Variants in SYT1 observed in about 807,000 individuals in gnomAD.
SYT1 encodes the protein synaptotagmin 1.
SYT1 carries 8 observed loss-of-function variants against 44.8 expected under a neutral mutation model. The observed-to-expected ratio is 0.18, with a 90% CI of 0.10 to 0.32. The LOEUF (loss-of-function observed/expected upper bound fraction) is 0.32, where lower values mean the gene tolerates loss of function less well. Among genes scored for constraint, SYT1 ranks in the 10% least tolerant of loss-of-function variants. SYT1 has a pLI of 1.00. For synonymous variants in SYT1, 154 were observed against 188.8 expected, an observed-to-expected ratio of 0.82 and a Z score of 1.51; for missense variants, 286 against 509.3, an observed-to-expected ratio of 0.56 and a Z score of 4.22.
intron 8 of SYT1, among the ~76,000 whole-genome samples, chr12:79,330,028 C>G (rs1192407252): frequency 6.6e-6 from 1 of 152,114 alleles, no homozygotes; most frequent in East Asian, 1.9e-4. Context: ...AATTTTATTA[C>G]CCCTCCTGAG....
At chr12:78,912,123 A>T (rs1876370205) in intron 1 of SYT1, among the ~76,000 whole-genome samples, 2 of 151,942 alleles carry the variant, frequency 1.3e-5, no homozygotes, top group Admixed American at 6.6e-5. Context: ...AATATCAGGG[A>T]TGGAATGTTA....
At chr12:78,915,431 G>A (rs1311652144) in intron 1 of SYT1, among the ~76,000 whole-genome samples, 1 of 152,052 alleles carries the variant, frequency 6.6e-6, no homozygotes, top group East Asian at 1.9e-4. Context: ...AGACTCGAAG[G>A]AGGGTGAGAA....
At chr12:79,367,096 A>G (rs1466531835) in intron 9 of SYT1, among the ~76,000 whole-genome samples, 1 of 152,144 alleles carries the variant, frequency 6.6e-6, no homozygotes, top group African/African-American at 2.4e-5. Flanking sequence ...TCAGACCAGT[A>G]GTATATTTCT....
chr12:79,303,644 C>T (rs1486565801), intron 8 of SYT1, among the ~76,000 whole-genome samples: 2 of 151,998 alleles, frequency 1.3e-5, no homozygotes, highest in East Asian at 1.9e-4. Context: ...GGAAGAGAAA[C>T]TACTTTAATG....
At chr12:79,398,313 T>C (rs1884947594) in intron 9 of SYT1, among the ~76,000 whole-genome samples, 1 of 152,236 alleles carries the variant, frequency 6.6e-6, no homozygotes, top group Non-Finnish European at 1.5e-5. Context: ...AGTTATCTCA[T>C]ATTTAATAAT....
At chr12:79,417,382 C>G (rs1565948982) in intron 9 of SYT1, among the ~76,000 whole-genome samples, 1 of 152,022 alleles carries the variant, frequency 6.6e-6, no homozygotes, top group Non-Finnish European at 1.5e-5. Context: ...TCCTAAATCT[C>G]TCTCTTATCT....
At chr12:79,388,856 G>A (rs949972735) in intron 9 of SYT1, among the ~76,000 whole-genome samples, 1 of 152,072 alleles carries the variant, frequency 6.6e-6, no homozygotes. Context: ...ATTCTATAAG[G>A]ACATGATCTA....
At chr12:79,104,453 A>T (rs942599987) in intron 3 of SYT1, among the ~76,000 whole-genome samples, 1 of 152,096 alleles carries the variant, frequency 6.6e-6, no homozygotes, top group Non-Finnish European at 1.5e-5. Context: ...TAGAGAAAAA[A>T]GTGACCATAA....
rs548289924 is a variant in SYT1 at position 78,865,927 on chromosome 12, A to AC, written c.-217+818_-217+819insC. On this transcript the variant is annotated intron_variant, in intron 1 of 10. Coordinates refer to ENST00000261205, the MANE Select transcript of SYT1 (RefSeq NM_005639.3). ...AAGCTTTCTTGAGTAACAAAAAAAA[A>AC]AAAACAATTAAAATAGATTATTACT... is the stretch of plus-strand genomic sequence containing the variant. Among the ~76,000 whole-genome samples the AC allele has an allele frequency of 2.5e-3, 377 of 152,270 alleles. 2 individuals carry two copies. Among genetic ancestry groups the AC allele is most frequent in the Non-Finnish European group, 3.6e-3 (246 of 68,012 alleles).
At chr12:78,866,056 A>G (rs1331575084) in intron 1 of SYT1, among the ~76,000 whole-genome samples, 4 of 152,176 alleles carry the variant, frequency 2.6e-5, no homozygotes, top group Non-Finnish European at 1.5e-5. Flanking sequence ...TTGGATTTCT[A>G]CTTTGAGAAA....
chr12:78,985,632 T>C (rs1869588292), intron 2 of SYT1, among the ~76,000 whole-genome samples: 1 of 151,814 alleles, frequency 6.6e-6, no homozygotes, highest in Non-Finnish European at 1.5e-5. Context: ...ATTCTTTATG[T>C]TCTTTTAGGA....
chr12:79,271,185 A>C (rs919918792), intron 4 of SYT1, among the ~76,000 whole-genome samples: 5 of 152,204 alleles, frequency 3.3e-5, no homozygotes, highest in African/African-American at 1.2e-4. Flanking sequence ...TTGTTTTCAC[A>C]ATGCTCAATT....
intron 3 of SYT1, among the ~76,000 whole-genome samples, chr12:79,194,264 G>T (rs941710001): frequency 8.5e-5 from 13 of 152,064 alleles, no homozygotes; most frequent in Non-Finnish European, 1.5e-4. Flanking sequence ...GAGCCATATT[G>T]TATGAAAAAT....
At position 79,247,984 on chromosome 12, in the gene SYT1, T is replaced by C. The variant is rs574720683; in HGVS notation, c.166+30299T>C. On this transcript the variant is annotated intron_variant, in intron 4 of 10. Transcript: ENST00000261205. Reference sequence around the variant, plus strand: ...AGAAAATGAAGGTCAATAAAGATCTTATTGGTTAGAAAAAATAGCGAAGAA... The same window carrying C: ...AGAAAATGAAGGTCAATAAAGATCTCATTGGTTAGAAAAAATAGCGAAGAA... Among the ~76,000 whole-genome samples the C allele has an allele frequency of 3.9e-5, 6 of 152,324 alleles. No individual in the cohort carries two copies. The East Asian group carries it at 9.6e-4, about 24-fold the overall frequency.
intron 1 of SYT1, among the ~76,000 whole-genome samples, chr12:78,927,113 TAG>T (rs1207637521): frequency 6.6e-6 from 1 of 152,152 alleles, no homozygotes; most frequent in Non-Finnish European, 1.5e-5. Flanking sequence ...TTCCAAGTTG[TAG>T]CTCCTCAGGA....
intron 1 of SYT1, among the ~76,000 whole-genome samples, chr12:78,931,284 A>T (rs1592574590): frequency 1.0e-5 from 1 of 96,646 alleles, no homozygotes; most frequent in Non-Finnish European, 2.2e-5. Flanking sequence ...GGAAGGAAGG[A>T]AGGAAGGAAG....
At chr12:79,295,411 C>T (rs898908700) in intron 6 of SYT1, among the ~76,000 whole-genome samples, 3 of 152,154 alleles carry the variant, frequency 2.0e-5, no homozygotes, top group African/African-American at 7.2e-5. Flanking sequence ...AAAAACCTCA[C>T]CTCTAATCTC....
At chr12:79,031,811 T>C in intron 2 of SYT1, among the ~76,000 whole-genome samples, 1 of 151,218 alleles carries the variant, frequency 6.6e-6, no homozygotes, top group Non-Finnish European at 1.5e-5. Flanking sequence ...ATGGGAAATG[T>C]CTAGAATATA....
At chr12:79,119,394 A>G (rs1279264744) in intron 3 of SYT1, among the ~76,000 whole-genome samples, 1 of 152,160 alleles carries the variant, frequency 6.6e-6, no homozygotes, top group Non-Finnish European at 1.5e-5. Context: ...GCTTTCTTCT[A>G]TAAAACTTTA....
Sources: gnomAD v4.1 joint callset for allele counts (sites outside exome capture counted in the v4.1 genomes callset) on GRCh38, gnomAD v4.1.1 for gene constraint, MANE v1.5 for transcripts, NCBI Gene and HGNC (gene_info 2026-07-23, HGNC 2026-07-21) for gene names.